The following CDH12 variants were observed in gnomAD, a reference collection of about 807,000 sequenced individuals.
CDH12 encodes cadherin 12.
Under a neutral mutation model 74.1 loss-of-function variants are expected in CDH12, and 41 were observed. The ratio of observed to expected loss-of-function variants is 0.55; its 90% CI spans 0.43 to 0.72. The LOEUF (loss-of-function observed/expected upper bound fraction) is 0.72. CDH12 is among the 30% of genes least tolerant of loss of function. CDH12 has a pLI of 0.00. For synonymous variants in CDH12, 399 were observed against 355.0 expected (o/e 1.12, Z -1.39); for missense variants, 945 against 977.2 (o/e 0.97, Z 0.44).
chr5:22,153,915 C>T (rs10473579), intron 4 of CDH12, among the ~76,000 whole-genome samples: 8,945 of 56,652 alleles, frequency 0.16, 404 homozygotes, highest in South Asian at 0.3. Context: ...CACACACATA[C>T]ACACACACAC....
chr5:22,514,563 G>T (rs1736731587), intron 1 of CDH12, among the ~76,000 whole-genome samples: 1 of 152,002 alleles, frequency 6.6e-6, no homozygotes, highest in South Asian at 2.1e-4. Flanking sequence ...GTTTATTGTT[G>T]CTTCTAGAGA....
intron 2 of CDH12, among the ~76,000 whole-genome samples, chr5:22,416,056 AGGTCT>A (rs1743371829): frequency 7.3e-6 from 1 of 136,744 alleles, no homozygotes; most frequent in Non-Finnish European, 1.5e-5. Context: ...ATGTACTTGT[AGGTCT>A]TTTTTTTTTT....
At chr5:22,113,646 A>G (rs1744936194) in intron 4 of CDH12, among the ~76,000 whole-genome samples, 1 of 152,156 alleles carries the variant, frequency 6.6e-6, no homozygotes, top group South Asian at 2.1e-4. Flanking sequence ...TTGGGCACAT[A>G]GTCTCAGGAC....
At chr5:21,775,742 A>G (rs1745551894) in intron 11 of CDH12, among the ~76,000 whole-genome samples, 1 of 152,100 alleles carries the variant, frequency 6.6e-6, no homozygotes, top group South Asian at 2.1e-4. Flanking sequence ...AAAAATAATT[A>G]CTTATTATAT....
At chr5:22,435,855 C>A (rs762655497) in intron 2 of CDH12, among the ~76,000 whole-genome samples, 1 of 151,950 alleles carries the variant, frequency 6.6e-6, no homozygotes, top group Admixed American at 6.6e-5. Context: ...CAGGAGCTGA[C>A]TTAGCCCAAG....
At chr5:22,781,381 G>A (rs1380682212) in intron 1 of CDH12, among the ~76,000 whole-genome samples, 10 of 152,154 alleles carry the variant, frequency 6.6e-5, no homozygotes, top group Admixed American at 6.6e-4. Flanking sequence ...CACAGGATAA[G>A]TATAATTTAT....
At chr5:22,810,736 C>A (rs1044631697) in intron 1 of CDH12, among the ~76,000 whole-genome samples, 1 of 151,890 alleles carries the variant, frequency 6.6e-6, no homozygotes, top group Admixed American at 6.6e-5. Context: ...CAAAATTAAC[C>A]GGGCCAGTGG....
intron 1 of CDH12, among the ~76,000 whole-genome samples, chr5:22,586,071 CAAA>C (rs1473412933): frequency 6.6e-6 from 1 of 152,106 alleles, no homozygotes; most frequent in Non-Finnish European, 1.5e-5. Context: ...TTCAGAATAG[CAAA>C]GACTTGGAAC....
chr5:22,090,076 G>T (rs1483721037), intron 4 of CDH12, among the ~76,000 whole-genome samples: 2 of 151,752 alleles, frequency 1.3e-5, no homozygotes, highest in African/African-American at 2.4e-5. Flanking sequence ...ATAATGTAAA[G>T]AATGAAAACA....
At chr5:22,107,244 T>C (rs991540057) in intron 4 of CDH12, among the ~76,000 whole-genome samples, 7 of 151,860 alleles carry the variant, frequency 4.6e-5, no homozygotes, top group Admixed American at 2.6e-4. Context: ...GCAATTCTCC[T>C]GCCTCAGCCT....
intron 4 of CDH12, among the ~76,000 whole-genome samples, chr5:22,167,948 G>A (rs530519521): frequency 1.3e-5 from 2 of 152,136 alleles, no homozygotes; most frequent in East Asian, 3.9e-4. Flanking sequence ...CCATTAGATG[G>A]ACACATTTTC....
At chr5:22,629,325 A>G (rs1367496306) in intron 1 of CDH12, among the ~76,000 whole-genome samples, 3 of 151,966 alleles carry the variant, frequency 2.0e-5, no homozygotes, top group African/African-American at 7.3e-5. Flanking sequence ...CAAAAACTGC[A>G]GGCCAAAATT....
At chr5:22,088,623 A>G (rs1447232752) in intron 4 of CDH12, among the ~76,000 whole-genome samples, 1 of 152,160 alleles carries the variant, frequency 6.6e-6, no homozygotes, top group African/African-American at 2.4e-5. Context: ...GGCCAAAAGG[A>G]CAAAGGGCTC....
chr5:22,138,845 A>ATATATATATATAT lies in CDH12; in HGVS notation c.-186-59984_-186-59983insATATATATATATA, dbSNP rs1746612743. ...AATATATATGTGTACATATATACGT[A>ATATATATATATAT]ATATATATATATATATATATATATA... is the stretch of plus-strand genomic sequence containing the variant. On this transcript the variant is annotated intron_variant, in intron 4 of 14. Transcript: ENST00000382254. Among the ~76,000 whole-genome samples the ATATATATATATAT allele has an allele frequency of 4.8e-3, 366 of 76,558 alleles. 7 individuals carry two copies. The highest frequency in any genetic ancestry group is 0.022 in the Middle Eastern group (2 of 92). 50.2% of individuals were successfully genotyped at this position (76,558 alleles called of 152,430 possible).
intron 5 of CDH12, among the ~76,000 whole-genome samples, chr5:22,027,021 T>A (rs890965126): frequency 6.6e-6 from 1 of 152,202 alleles, no homozygotes; most frequent in Admixed American, 6.6e-5. Flanking sequence ...GTTTTTAGCA[T>A]GAAGGTCGTT....
At chr5:22,642,217 T>C (rs1162858619) in intron 1 of CDH12, among the ~76,000 whole-genome samples, 2 of 152,202 alleles carry the variant, frequency 1.3e-5, no homozygotes, top group Admixed American at 6.5e-5. Flanking sequence ...ATATGAAAAT[T>C]ATGTAAGTTA....
intron 11 of CDH12, among the ~76,000 whole-genome samples, chr5:21,767,523 A>G (rs1256407659): frequency 7.3e-5 from 11 of 151,620 alleles, no homozygotes; most frequent in Non-Finnish European, 3.0e-5. Context: ...AGCTATGACA[A>G]TGTTTTGTTG....
At position 21,844,349 on chromosome 5, in the gene CDH12, C is replaced by A. The variant is rs1046058134; in HGVS notation, c.647-2021G>T. On this transcript the variant is annotated intron_variant, in intron 7 of 14. Coordinates refer to ENST00000382254, the MANE Select transcript of CDH12 (RefSeq NM_004061.5). ...TGGCTTAGTACCCAGATTTCAACTC[C>A]AAAAAAAAAACATACACATAACTAC... 1.4e-4 allele frequency among the ~76,000 whole-genome samples: 20 copies of A among 148,044 alleles called. 1 individual carries two copies. The highest frequency in any genetic ancestry group is 1.3e-3 in the Admixed American group (20 of 14,830).
chr5:22,560,866 A>T (rs943408535), intron 1 of CDH12, among the ~76,000 whole-genome samples: 19 of 152,164 alleles, frequency 1.2e-4, no homozygotes, highest in African/African-American at 4.3e-4. Flanking sequence ...AGCAAGATGA[A>T]TTGTATGCTT....
Sources: allele counts gnomAD v4.1 joint callset (sites outside exome capture counted in the v4.1 genomes callset), GRCh38; gene constraint gnomAD v4.1.1; transcripts MANE v1.5; gene names NCBI Gene and HGNC (gene_info 2026-07-23, HGNC 2026-07-21).